DLEU7: variants seen among roughly 807,000 people sequenced by gnomAD.
The protein encoded by DLEU7 is leukemia-associated protein 7.
DLEU7 carries 17 observed loss-of-function variants against 16.0 expected under a neutral mutation model. The ratio of observed to expected loss-of-function variants is 1.06; its 90% CI spans 0.73 to 1.59. DLEU7 has a LOEUF of 1.59. Among genes scored for constraint, DLEU7 ranks in the 40% most tolerant of loss-of-function variants. The pLI is 0.00. For missense variants in DLEU7, 308 were observed against 314.9 expected (o/e 0.98, Z 0.17); for synonymous variants, 113 against 139.8 (o/e 0.81, Z 1.35).
chr13:50,822,915 A>G lies in DLEU7; in HGVS notation c.*399T>C, dbSNP rs1876958295. 27 of 983,038 alleles carry G rather than the reference A, an allele frequency of 2.7e-5. No individual in the cohort carries two copies. Among genetic ancestry groups the G allele is most frequent in the Non-Finnish European group, 3.1e-5 (26 of 825,472 alleles). 60.9% of individuals were successfully genotyped at this position (983,038 alleles called of 1,614,324 possible). On this transcript the variant is annotated 3_prime_UTR_variant, in exon 2 of 2. Coordinates refer to ENST00000504404, the MANE Select transcript of DLEU7 (RefSeq NM_001306135.2). Reference sequence around the variant, plus strand: ...CTCATTCATTCAAGGTAATTTTAAGAACCATGGAACTTTAATTATATAAAT... The same window carrying G: ...CTCATTCATTCAAGGTAATTTTAAGGACCATGGAACTTTAATTATATAAAT...
chr13:50,739,271 C>T (rs768731977), intron 1 of DLEU7, among the ~76,000 whole-genome samples: 2 of 152,126 alleles, frequency 1.3e-5, no homozygotes, highest in Non-Finnish European at 2.9e-5. Context: ...GTTACTATAC[C>T]ACTTCTGTGT....
intron 1 of DLEU7, among the ~76,000 whole-genome samples, chr13:50,836,700 A>G (rs1287943021): frequency 6.6e-6 from 1 of 151,892 alleles, no homozygotes; most frequent in Non-Finnish European, 1.5e-5. Flanking sequence ...GAAAGAAAAA[A>G]AGAAAGAGAG....
At chr13:50,770,563 A>G (rs1339662893) in intron 1 of DLEU7, among the ~76,000 whole-genome samples, 1 of 152,076 alleles carries the variant, frequency 6.6e-6, no homozygotes, top group Non-Finnish European at 1.5e-5. Flanking sequence ...TATTTATGTC[A>G]TAGATTATGT....
chr13:50,744,002 C>G (rs1874322215), intron 1 of DLEU7, among the ~76,000 whole-genome samples: 1 of 151,778 alleles, frequency 6.6e-6, no homozygotes, highest in Admixed American at 6.6e-5. Flanking sequence ...GCCAGCTGTA[C>G]CCTATCAGGC....
intron 1 of DLEU7, among the ~76,000 whole-genome samples, chr13:50,738,498 C>A (rs112816670): frequency 0.023 from 3,486 of 152,184 alleles, 65 homozygotes; most frequent in Middle Eastern, 0.058. Flanking sequence ...ATTGCCTGCA[C>A]CCAGGGTAGG....
At chr13:50,768,943 C>T (rs953554968) in intron 1 of DLEU7, among the ~76,000 whole-genome samples, 3 of 152,140 alleles carry the variant, frequency 2.0e-5, no homozygotes, top group Non-Finnish European at 4.4e-5. Context: ...CTCTCCAGCA[C>T]CTGTTGTTTC....
intron 1 of DLEU7, chr13:50,808,834 T>G (rs972080630): frequency 2.6e-5 from 4 of 152,020 alleles, no homozygotes; most frequent in African/African-American, 9.7e-5. Flanking sequence ...AAACTGAGCT[T>G]TTCTGTAAAA....
chr13:50,841,337 C>T (rs1877651676), intron 1 of DLEU7, among the ~76,000 whole-genome samples: 1 of 152,098 alleles, frequency 6.6e-6, no homozygotes, highest in Non-Finnish European at 1.5e-5. Flanking sequence ...GCTGCTGGGC[C>T]TTAACCAAAG....
chr13:50,750,869 G>A (rs187564926), intron 1 of DLEU7, among the ~76,000 whole-genome samples: 10 of 152,216 alleles, frequency 6.6e-5, no homozygotes, highest in South Asian at 6.2e-4. Context: ...GTAAACAATC[G>A]TATCATCAGC....
intron 1 of DLEU7, among the ~76,000 whole-genome samples, chr13:50,766,969 T>G (rs1238898441): frequency 6.6e-6 from 1 of 152,196 alleles, no homozygotes; most frequent in African/African-American, 2.4e-5. Context: ...CTCCTGCCTG[T>G]CTGAACCCTC....
At chr13:50,821,352 G>A (rs772384860), downstream of DLEU7, among the ~76,000 whole-genome samples, 3 of 152,040 alleles carry the variant, frequency 2.0e-5, no homozygotes, top group Admixed American at 6.6e-5. Flanking sequence ...GTAAAAAGGT[G>A]GTAGGGGCAA....
chr13:50,732,578 G>A (rs143797452), intron 1 of DLEU7, among the ~76,000 whole-genome samples: 1,908 of 118,878 alleles, frequency 0.016, 40 homozygotes, highest in African/African-American at 0.061. Context: ...CTGCACTCCA[G>A]CCCAGGCAAC....
intron 1 of DLEU7, among the ~76,000 whole-genome samples, chr13:50,827,795 TAGTA>T (rs1351203022): frequency 6.6e-6 from 1 of 152,082 alleles, no homozygotes; most frequent in Admixed American, 6.6e-5. Context: ...AAAAAGATAG[TAGTA>T]AGCCTACACA....
intron 1 of DLEU7, among the ~76,000 whole-genome samples, chr13:50,762,770 G>C (rs1441411744): frequency 1.4e-5 from 2 of 145,222 alleles, no homozygotes; most frequent in African/African-American, 5.1e-5. Flanking sequence ...TCACACTGAA[G>C]AGGTTAATCT....
intron 1 of DLEU7, among the ~76,000 whole-genome samples, chr13:50,713,838 G>A (rs1873363124): frequency 6.6e-6 from 1 of 152,216 alleles, no homozygotes. Context: ...GATGGGGACT[G>A]TAAGGAAGTT....
chr13:50,734,382 GT>G (rs1874007038), intron 1 of DLEU7, among the ~76,000 whole-genome samples: 1 of 152,112 alleles, frequency 6.6e-6, no homozygotes, highest in Non-Finnish European at 1.5e-5. Context: ...CGTCCTCTGA[GT>G]AACCTAATTT....
chr13:50,820,718 AT>A (rs1876878159), downstream of DLEU7, among the ~76,000 whole-genome samples: 1 of 152,118 alleles, frequency 6.6e-6, no homozygotes, highest in Non-Finnish European at 1.5e-5. Context: ...TATCTAGTGG[AT>A]TTTCCAGAAC....
rs151035650 is a variant in DLEU7 at position 50,810,741 on chromosome 13, T to A, written c.459+32447A>T. Reference sequence around the variant, plus strand: ...TACCCGTATCTCAGCAATCTATAAGTGTTGTTAAAGGGGCCTTGGGAGGAA... The same window carrying A: ...TACCCGTATCTCAGCAATCTATAAGAGTTGTTAAAGGGGCCTTGGGAGGAA... On this transcript the variant is annotated intron_variant, in intron 1 of 1. Transcript: ENST00000400393. Among the ~76,000 whole-genome samples, 181 of 152,220 alleles carry A rather than the reference T, an allele frequency of 1.2e-3. 8 individuals are homozygous for A. The East Asian group carries it at 0.03, about 25-fold the overall frequency.
chr13:50,843,516 T>C lies in DLEU7; in HGVS notation c.131A>G (p.Asp44Gly). Residue 44 changes from aspartate to glycine, a missense_variant, in exon 1 of 2, where the codon GAC becomes GGC. Asp to Gly is a moderately conservative substitution (Grantham distance 94). Coordinates refer to ENST00000504404, the MANE Select transcript of DLEU7 (RefSeq NM_001306135.2). The surrounding 1 kb of genome is among the most constrained non-coding windows in gnomAD (Gnocchi z 5.7). ...ACGGGCTGGAGCGGTGGACACGTGG[T>C]CTGGGTCCCGCGGGTTCCCGGGGGC... ...PVAPGNPRDPDHVSTAPARRS... is the reference protein window; with the variant it reads ...PVAPGNPRDPGHVSTAPARRS... 3 of 1,419,874 alleles carry C rather than the reference T, an allele frequency of 2.1e-6. No individual in the cohort carries two copies. The highest frequency in any genetic ancestry group is 2.7e-6 in the Non-Finnish European group (3 of 1,097,746). The allele number at this position is 1,419,874 out of a possible 1,614,324, so 88.0% of individuals were successfully genotyped here.
Sources: allele counts gnomAD v4.1 joint callset (sites outside exome capture counted in the v4.1 genomes callset), GRCh38; gene constraint gnomAD v4.1.1; non-coding constraint Gnocchi (gnomAD v3.1); transcripts MANE v1.5; gene names NCBI Gene and HGNC (gene_info 2026-07-23, HGNC 2026-07-21).